Variants in SMAD2 observed in about 807,000 individuals in gnomAD.
The protein encoded by SMAD2 is SMAD family member 2.
In SMAD2, 8 loss-of-function variants were observed where a neutral mutation model predicts 64.4. The observed-to-expected ratio is 0.12, with a 90% CI of 0.07 to 0.22. The LOEUF (loss-of-function observed/expected upper bound fraction) is 0.22, where lower values mean the gene tolerates loss of function less well. Among genes scored for constraint, SMAD2 ranks in the 10% least tolerant of loss-of-function variants. The pLI, the probability that SMAD2 is intolerant of heterozygous loss-of-function variation, is 1.00. For missense variants in SMAD2, 289 were observed against 561.2 expected (o/e 0.51, Z 4.90); for synonymous variants, 203 against 195.8 (o/e 1.04, Z -0.31).
intron 1 of SMAD2, among the ~76,000 whole-genome samples, chr18:47,921,381 G>C (rs2034553566): frequency 6.6e-6 from 1 of 152,154 alleles, no homozygotes. Context: ...CCTTTGAAAA[G>C]GCAACTGTAT....
At chr18:47,855,943 C>T (rs2030637760) in intron 6 of SMAD2, among the ~76,000 whole-genome samples, 2 of 152,018 alleles carry the variant, frequency 1.3e-5, no homozygotes, top group Admixed American at 1.3e-4. Context: ...TTCACAATAG[C>T]AAAGATACAG....
rs1474740435 is a variant in SMAD2 at position 47,809,595 on chromosome 18, AGGTC to A, written c.*32228_*32231del. The A allele has an allele frequency of 6.6e-6, 1 of 152,280 alleles. No homozygotes were observed. The highest frequency in any genetic ancestry group is 1.5e-5 in the Non-Finnish European group (1 of 68,080). 9.4% of individuals were successfully genotyped at this position (152,280 alleles called of 1,614,324 possible). On this transcript the variant is annotated 3_prime_UTR_variant, in exon 11 of 11. Transcript: ENST00000262160. Reference sequence around the variant, plus strand: ...AGTCTTCCAGACTCCTCTTCCCTCCAGGTCGGAGCTCAAGAACCGGGCAGTGATT... The same window carrying A: ...AGTCTTCCAGACTCCTCTTCCCTCCAGGAGCTCAAGAACCGGGCAGTGATT...
chr18:47,841,058 T>A lies in SMAD2; in HGVS notation c.*769A>T. ...CTGGTGATGATGTCATGTTATGCTG[T>A]TTTGATTATGAGGACAAAAATGGGA... On this transcript the variant is annotated 3_prime_UTR_variant, in exon 11 of 11. Coordinates refer to ENST00000262160, the MANE Select transcript of SMAD2 (RefSeq NM_005901.6). 4.3e-6 allele frequency: 1 copy of A among 232,460 alleles called. No individual in the cohort carries two copies. Among genetic ancestry groups the A allele is most frequent in the Non-Finnish European group, 8.5e-6 (1 of 117,636 alleles). The allele number at this position is 232,460 out of a possible 1,614,324, so 14.4% of individuals were successfully genotyped here.
chr18:47,879,810 G>C (rs920604520), intron 2 of SMAD2, among the ~76,000 whole-genome samples: 5 of 152,122 alleles, frequency 3.3e-5, no homozygotes, highest in Admixed American at 1.3e-4. Context: ...CAATGTATGA[G>C]AGAGAGCTCC....
chr18:47,876,606 A>C (rs1357020077), intron 2 of SMAD2, among the ~76,000 whole-genome samples: 1 of 152,090 alleles, frequency 6.6e-6, no homozygotes, highest in Non-Finnish European at 1.5e-5. Context: ...CTTTGTTGGC[A>C]TACAGTATAT....
intron 8 of SMAD2, among the ~76,000 whole-genome samples, chr18:47,847,700 CAAAAAAAAAAAA>C (rs58794971): frequency 6.3e-5 from 7 of 111,904 alleles, no homozygotes; most frequent in African/African-American, 1.5e-4. Flanking sequence ...ATTTCCAAAG[CAAAAAAAAAAAA>C]AAAAAAAAAT....
Position 47,838,561 on chromosome 18 carries a change from T to A in SMAD2, c.*3266A>T, listed in dbSNP as rs1913653470. On this transcript the variant is annotated 3_prime_UTR_variant, in exon 11 of 11. Transcript: ENST00000262160. ...AACTGATATAGCTCAAATCTAATCA[T>A]GAAAGCTTCTTTAAAGTAGGATAAA... is the stretch of plus-strand genomic sequence containing the variant. The A allele has an allele frequency of 4.3e-6, 1 of 232,980 alleles. No individual in the cohort carries two copies. The highest frequency in any genetic ancestry group is 1.8e-4 in the South Asian group (1 of 5,532). The allele number at this position is 232,980 out of a possible 1,614,324, so 14.4% of individuals were successfully genotyped here. A position where few individuals can be genotyped will look rare whatever the true frequency, so the allele number is the denominator to read the frequency against.
chr18:47,856,600 G>T (rs994968062), intron 6 of SMAD2, among the ~76,000 whole-genome samples: 1 of 152,062 alleles, frequency 6.6e-6, no homozygotes, highest in South Asian at 2.1e-4. Context: ...TCAGCAATAT[G>T]TATCAAAAGC....
At chr18:47,907,733 C>T (rs1490960319) in intron 1 of SMAD2, among the ~76,000 whole-genome samples, 3 of 152,110 alleles carry the variant, frequency 2.0e-5, no homozygotes, top group African/African-American at 7.2e-5. Context: ...AGACAGATTG[C>T]TTGATTTCTG....
At chr18:47,895,068 C>G (rs1316210866) in intron 2 of SMAD2, among the ~76,000 whole-genome samples, 1 of 152,192 alleles carries the variant, frequency 6.6e-6, no homozygotes, top group Non-Finnish European at 1.5e-5. Context: ...TACCACTCTC[C>G]CGCAGCCAGA....
At chr18:47,872,046 T>C (rs571452499) in intron 2 of SMAD2, among the ~76,000 whole-genome samples, 1 of 152,344 alleles carries the variant, frequency 6.6e-6, no homozygotes, top group South Asian at 2.1e-4. Flanking sequence ...GTTTACATTG[T>C]ACTTTATTTA....
At chr18:47,899,667 A>C (rs1230585029) in intron 1 of SMAD2, among the ~76,000 whole-genome samples, 3 of 152,210 alleles carry the variant, frequency 2.0e-5, no homozygotes, top group African/African-American at 7.2e-5. Flanking sequence ...TGAGCTCTTT[A>C]TACAATCAAC....
intron 2 of SMAD2, among the ~76,000 whole-genome samples, chr18:47,881,167 T>C (rs923349557): frequency 1.3e-5 from 2 of 152,204 alleles, no homozygotes; most frequent in African/African-American, 4.8e-5. Flanking sequence ...CTCCAGTACT[T>C]CATGTTATTT....
chr18:47,870,967 A>C (rs2031897489), intron 2 of SMAD2, among the ~76,000 whole-genome samples: 1 of 152,202 alleles, frequency 6.6e-6, no homozygotes, highest in African/African-American at 2.4e-5. Context: ...TTTAATATAG[A>C]AAAAAATCCC....
rs2144268370 is a variant in SMAD2 at position 47,838,514 on chromosome 18, T to C, written c.*3313A>G. ...AATAAATGTTTACTAACTGAATGTG[T>C]ATTATAAGGTATAATCGGTATAACT... On this transcript the variant is annotated 3_prime_UTR_variant, in exon 11 of 11. Transcript: ENST00000262160. 1 of 233,174 alleles carries C rather than the reference T, an allele frequency of 4.3e-6. No homozygotes were observed. The highest frequency in any genetic ancestry group is 1.8e-4 in the South Asian group (1 of 5,536). 14.4% of individuals were successfully genotyped at this position (233,174 alleles called of 1,614,324 possible).
chr18:47,860,873 A>C (rs1438776868), intron 6 of SMAD2, among the ~76,000 whole-genome samples: 1 of 152,202 alleles, frequency 6.6e-6, no homozygotes, highest in Non-Finnish European at 1.5e-5. Context: ...AAAAGGAAAA[A>C]GAACTTCCTC....
chr18:47,874,870 T>C (rs771620806), intron 2 of SMAD2, among the ~76,000 whole-genome samples: 15 of 152,274 alleles, frequency 9.9e-5, no homozygotes, highest in Non-Finnish European at 1.6e-4. Context: ...GCCATGTGAA[T>C]GTATATTGCC....
intron 6 of SMAD2, among the ~76,000 whole-genome samples, chr18:47,864,704 GTTAT>G (rs777332533): frequency 1.1e-4 from 17 of 152,164 alleles, no homozygotes; most frequent in Non-Finnish European, 2.1e-4. Flanking sequence ...CTGAAAATCT[GTTAT>G]TTGAGTAATT....
rs1555647006 is a variant in SMAD2 at position 47,851,298 on chromosome 18, G to T, written c.760C>A (p.Leu254Ile). The T allele has an allele frequency of 6.2e-7, 1 of 1,610,192 alleles. No homozygotes were observed. Among genetic ancestry groups the T allele is most frequent in the South Asian group, 1.1e-5 (1 of 90,976 alleles). ...GSPAELSPTT[L>I]SPVNHSLDLQ... Reference sequence around the variant, plus strand: ...CCCAAGCTATGATTAACAGGGGAAAGAGTAGTAGGAGATAGTTCTGCTGGA... The same window carrying T: ...CCCAAGCTATGATTAACAGGGGAAATAGTAGTAGGAGATAGTTCTGCTGGA... The change falls in exon 7 of 11, where the codon CTT becomes ATT. Residue 254 changes from leucine to isoleucine, a missense_variant. Coordinates refer to ENST00000262160, the MANE Select transcript of SMAD2 (RefSeq NM_005901.6).
Sources: gnomAD v4.1 joint callset for allele counts (sites outside exome capture counted in the v4.1 genomes callset) on GRCh38, gnomAD v4.1.1 for gene constraint, MANE v1.5 for transcripts, NCBI Gene and HGNC (gene_info 2026-07-23, HGNC 2026-07-21) for gene names.